The following MTCL3 variants were observed in gnomAD, a reference collection of about 807,000 sequenced individuals.
MTCL3 encodes MTCL family member 3, also known as microtubule cross-linking factor 3.
chr6:127,485,878 A>T, the MTCL3 span, among the ~76,000 whole-genome samples: 1 of 152,188 alleles, frequency 6.6e-6, no homozygotes, highest in Non-Finnish European at 1.5e-5. Context: ...AATCAGAGAA[A>T]ATCATTCAAG....
the MTCL3 span, among the ~76,000 whole-genome samples, chr6:127,482,161 C>G: frequency 6.1e-3 from 926 of 152,252 alleles, 9 homozygotes; most frequent in African/African-American, 0.02. The surrounding 1 kb of genome is among the most constrained non-coding windows in gnomAD (Gnocchi z 4.1). Flanking sequence ...CTTTACTTTC[C>G]TAATAAACTT....
At chr6:127,502,289 A>G in the MTCL3 span, among the ~76,000 whole-genome samples, 1 of 152,218 alleles carries the variant, frequency 6.6e-6, no homozygotes, top group Non-Finnish European at 1.5e-5. Context: ...GTTTCTTTTT[A>G]GGAAGCATAT....
At chr6:127,499,061 T>G in the MTCL3 span, among the ~76,000 whole-genome samples, 1 of 152,144 alleles carries the variant, frequency 6.6e-6, no homozygotes, top group Non-Finnish European at 1.5e-5. Flanking sequence ...ATTTATGGTA[T>G]GTAAATCAAA....
At chr6:127,489,919 T>C in the MTCL3 span, among the ~76,000 whole-genome samples, 1 of 152,224 alleles carries the variant, frequency 6.6e-6, no homozygotes, top group Non-Finnish European at 1.5e-5. Flanking sequence ...CACTAAATAA[T>C]AGACTTTCAA....
chr6:127,519,196 A>G, the MTCL3 span: 2 of 152,266 alleles, frequency 1.3e-5, no homozygotes, highest in Admixed American at 1.3e-4. Flanking sequence ...ACACGGATGC[A>G]CTGGTTTCCT....
At chr6:127,515,445 C>A in the MTCL3 span, 2 of 1,358,706 alleles carry the variant, frequency 1.5e-6, no homozygotes, top group Admixed American at 7.0e-5. The surrounding 1 kb of genome is among the most constrained non-coding windows in gnomAD (Gnocchi z 4.3). Context: ...TGATCCCTGC[C>A]GGTACACGCC....
chr6:127,477,744 T>C, the MTCL3 span, among the ~76,000 whole-genome samples: 1 of 152,202 alleles, frequency 6.6e-6, no homozygotes, highest in African/African-American at 2.4e-5. Context: ...AGCTGCTGGG[T>C]GTGCAGAGCC....
chr6:127,473,395 G>C, the MTCL3 span: 5 of 1,523,138 alleles, frequency 3.3e-6, no homozygotes, highest in Non-Finnish European at 4.4e-6. Context: ...GGAACATCTG[G>C]GAAGGTAAAT....
At chr6:127,516,846 G>C in the MTCL3 span, 86 of 687,584 alleles carry the variant, frequency 1.3e-4, no homozygotes, top group South Asian at 1.8e-3. Flanking sequence ...GAATAGGATG[G>C]AGGGCTGTCA....
the MTCL3 span, among the ~76,000 whole-genome samples, chr6:127,489,584 A>G: frequency 6.6e-6 from 1 of 152,240 alleles, no homozygotes; most frequent in Non-Finnish European, 1.5e-5. Flanking sequence ...GAACACACAA[A>G]TAATAAGAAA....
chr6:127,514,879 C>G, the MTCL3 span: 2 of 1,613,978 alleles, frequency 1.2e-6, no homozygotes, highest in African/African-American at 2.7e-5. Flanking sequence ...CCGGTCTGGG[C>G]GTAGCGGAGC....
chr6:127,519,037 A>C, the MTCL3 span: 1 of 8,986 alleles, frequency 1.1e-4, no homozygotes, highest in African/African-American at 4.7e-4. Context: ...GAAGGCGGGG[A>C]GGGGGACGGG....
At chr6:127,484,408 T>C in the MTCL3 span, among the ~76,000 whole-genome samples, 17,639 of 152,108 alleles carry the variant, frequency 0.12, 1,405 homozygotes, top group Admixed American at 0.19. Context: ...AAGGAAAGCT[T>C]GGGGACTGAC....
chr6:127,516,747 T>G, the MTCL3 span: 1 of 1,440,122 alleles, frequency 6.9e-7, no homozygotes, highest in Non-Finnish European at 9.1e-7. Flanking sequence ...ATGTCTGAAT[T>G]TTTGCAGAGC....
the MTCL3 span, chr6:127,516,563 G>A: frequency 1.9e-6 from 3 of 1,597,996 alleles, no homozygotes; most frequent in East Asian, 6.7e-5. Context: ...GCAGCGGCGG[G>A]AGAAGCTGCT....
At chr6:127,477,495 T>TA in the MTCL3 span, among the ~76,000 whole-genome samples, 448 of 152,212 alleles carry the variant, frequency 2.9e-3, 2 homozygotes, top group African/African-American at 0.01. Flanking sequence ...GTTTCTTCAT[T>TA]AAAAAAACAA....
chr6:127,475,455 G>T, the MTCL3 span: 3 of 1,613,258 alleles, frequency 1.9e-6, no homozygotes, highest in Non-Finnish European at 1.7e-6. This position sits in a 1 kb window ranked among gnomAD's most constrained non-coding sequence, Gnocchi z 7.3. Flanking sequence ...CGTCCTCCTC[G>T]TCCATGAGTC....
chr6:127,487,466 T>G, the MTCL3 span, among the ~76,000 whole-genome samples: 1 of 152,154 alleles, frequency 6.6e-6, no homozygotes, highest in Non-Finnish European at 1.5e-5. Context: ...GCCCAGGGAT[T>G]GCCTGCTGGA....
At chr6:127,517,285 C>T in the MTCL3 span, among the ~76,000 whole-genome samples, 3 of 152,154 alleles carry the variant, frequency 2.0e-5, no homozygotes, top group Admixed American at 2.0e-4. Context: ...TGGGAAAATG[C>T]ACCCAACTTC....
Sources: allele counts gnomAD v4.1 joint callset (sites outside exome capture counted in the v4.1 genomes callset), GRCh38; gene constraint gnomAD v4.1.1; non-coding constraint Gnocchi (gnomAD v3.1); transcripts MANE v1.5; gene names NCBI Gene and HGNC (gene_info 2026-07-23, HGNC 2026-07-21).